The following INPP5F variants were observed in gnomAD, a reference collection of about 807,000 sequenced individuals.
INPP5F encodes the protein phosphatidylinositide 4-phosphatase SAC2.
Under a neutral mutation model 137.2 loss-of-function variants are expected in INPP5F, and 97 were observed. The observed-to-expected ratio is 0.71, with a 90% CI of 0.60 to 0.84. The LOEUF (loss-of-function observed/expected upper bound fraction) is 0.84. Ranked by LOEUF, INPP5F falls within the 40% of genes least tolerant of loss-of-function variation. The pLI, the probability that INPP5F is intolerant of heterozygous loss-of-function variation, is 0.00. For synonymous variants in INPP5F, 504 were observed against 476.9 expected (o/e 1.06, Z -0.74); for missense variants, 1,271 against 1,371.9 (o/e 0.93, Z 1.16).
At chr10:119,753,946 A>C (rs1291878136) in intron 2 of INPP5F, among the ~76,000 whole-genome samples, 2 of 152,172 alleles carry the variant, frequency 1.3e-5, no homozygotes, top group African/African-American at 4.8e-5. Context: ...GTCTCTGACA[A>C]ACTGCCTCTC....
At chr10:119,732,500 C>CTTTTT (rs59388357) in intron 1 of INPP5F, among the ~76,000 whole-genome samples, 17 of 115,566 alleles carry the variant, frequency 1.5e-4, no homozygotes, top group East Asian at 7.9e-4. Flanking sequence ...TTTCTTTTTT[C>CTTTTT]TTTTTTTTTT....
chr10:119,819,737 G>A (rs1202668801), intron 15 of INPP5F: 11 of 400,550 alleles, frequency 2.7e-5, no homozygotes, highest in African/African-American at 6.1e-5. Context: ...ATTATTGTAC[G>A]TGCAAATTGA....
Position 119,796,828 on chromosome 10 carries a change from C to A in INPP5F, c.783C>A (p.Thr261=), listed in dbSNP as rs1458453974. The change falls in exon 7 of 20, where the codon ACC becomes ACA. Residue 261 remains threonine (T), a synonymous_variant. Transcript: ENST00000650623. Reference sequence around the variant, plus strand: ...ATGATGAGAAAAGCAGCCCAGAGACCCCCCCTCAGGAGTCCACCTGTGTAG... The same window carrying A: ...ATGATGAGAAAAGCAGCCCAGAGACACCCCCTCAGGAGTCCACCTGTGTAG... ...SSDDEKSSPE[T]PPQESTCVDD... 1 of 1,613,240 alleles carries A rather than the reference C, an allele frequency of 6.2e-7. No homozygotes were observed. Among genetic ancestry groups the A allele is most frequent in the African/African-American group, 1.3e-5 (1 of 74,950 alleles).
chr10:119,791,313 ATTC>A (rs1302482528), intron 3 of INPP5F, among the ~76,000 whole-genome samples: 24 of 152,144 alleles, frequency 1.6e-4, no homozygotes, highest in Admixed American at 5.2e-4. Flanking sequence ...CCTGCCCTGT[ATTC>A]TTTGTGTTTT....
Position 119,748,683 on chromosome 10 carries a change from C to T in INPP5F, c.98-2393C>T, listed in dbSNP as rs562617787. The stretch of plus-strand genomic sequence containing the variant: ...GGACATCTGTGAGTCTGGCTGAGTC[C>T]GGGATTTTTAATGGGCTCAGAATGG... On this transcript the variant is annotated intron_variant, in intron 1 of 19. Coordinates refer to ENST00000650623, the MANE Select transcript of INPP5F (RefSeq NM_014937.4). This position sits in a 1 kb window ranked among gnomAD's most constrained non-coding sequence, Gnocchi z 4.7. Among the ~76,000 whole-genome samples the T allele has an allele frequency of 7.2e-5, 11 of 152,218 alleles. No individual in the cohort carries two copies. Among genetic ancestry groups the T allele is most frequent in the East Asian group, 1.9e-4 (1 of 5,168 alleles).
At chr10:119,759,758 G>A (rs988623543) in intron 2 of INPP5F, among the ~76,000 whole-genome samples, 1 of 152,138 alleles carries the variant, frequency 6.6e-6, no homozygotes, top group Non-Finnish European at 1.5e-5. Context: ...TTGAGTCTTG[G>A]AAGCAGGCAG....
chr10:119,792,856 A>C (rs1850198147), intron 6 of INPP5F, among the ~76,000 whole-genome samples: 1 of 152,244 alleles, frequency 6.6e-6, no homozygotes, highest in South Asian at 2.1e-4. Context: ...TAAACAAAGC[A>C]GGCAAATAGG....
At chr10:119,804,640 C>A (rs1850703169) in intron 10 of INPP5F, among the ~76,000 whole-genome samples, 1 of 151,720 alleles carries the variant, frequency 6.6e-6, no homozygotes, top group African/African-American at 2.4e-5. Context: ...TTAAGAGTAT[C>A]TTGCTGGCTC....
chr10:119,791,724 T>C, intron 4 of INPP5F, 79 bp downstream of exon 4: 3 of 1,420,622 alleles, frequency 2.1e-6, no homozygotes, highest in Non-Finnish European at 1.9e-6. Context: ...ACTCAGAAAA[T>C]TTATTTTTAA....
intron 1 of INPP5F, among the ~76,000 whole-genome samples, chr10:119,739,144 T>C (rs1848302434): frequency 6.6e-6 from 1 of 152,166 alleles, no homozygotes; most frequent in African/African-American, 2.4e-5. Context: ...ATCAAGCTGC[T>C]GCACTTCAGT....
intron 2 of INPP5F, among the ~76,000 whole-genome samples, chr10:119,754,564 T>G (rs549997178): frequency 3.6e-4 from 55 of 152,310 alleles, no homozygotes; most frequent in Non-Finnish European, 5.4e-4. Flanking sequence ...GGAAATTCTC[T>G]TAATTTTTCA....
At chr10:119,757,055 G>A (rs528578254) in intron 2 of INPP5F, among the ~76,000 whole-genome samples, 1 of 146,072 alleles carries the variant, frequency 6.8e-6, no homozygotes, top group Non-Finnish European at 1.5e-5. Context: ...TTGACCAGTT[G>A]AGATTTCTTT....
intron 9 of INPP5F, among the ~76,000 whole-genome samples, chr10:119,800,911 C>G (rs1372359836): frequency 7.2e-6 from 1 of 139,472 alleles, no homozygotes; most frequent in Admixed American, 7.7e-5. Context: ...GATCATACCA[C>G]TGTGCTCCAG....
chr10:119,740,247 C>T (rs566735802), intron 1 of INPP5F, among the ~76,000 whole-genome samples: 1 of 152,262 alleles, frequency 6.6e-6, no homozygotes, highest in South Asian at 2.1e-4. Flanking sequence ...GATTCTCCCT[C>T]TCTCCTGTGT....
intron 12 of INPP5F, among the ~76,000 whole-genome samples, chr10:119,807,043 G>C (rs1850821255): frequency 6.6e-6 from 1 of 152,076 alleles, no homozygotes; most frequent in African/African-American, 2.4e-5. Flanking sequence ...GGCTGAGGTG[G>C]GTGGATCACC....
intron 6 of INPP5F, among the ~76,000 whole-genome samples, chr10:119,792,973 AGTG>A (rs1850201215): frequency 1.3e-5 from 2 of 152,108 alleles, no homozygotes; most frequent in South Asian, 4.1e-4. Context: ...CACATAATCT[AGTG>A]GTGTCTTCGC....
intron 1 of INPP5F, among the ~76,000 whole-genome samples, chr10:119,749,683 C>T (rs1848636877): frequency 6.6e-6 from 1 of 152,188 alleles, no homozygotes; most frequent in Admixed American, 6.5e-5. Flanking sequence ...TTTGTTTCCT[C>T]ATCTGTAAAG....
chr10:119,753,741 T>G (rs1255818098), intron 2 of INPP5F, among the ~76,000 whole-genome samples: 1 of 152,176 alleles, frequency 6.6e-6, no homozygotes, highest in Non-Finnish European at 1.5e-5. Flanking sequence ...GTACTGTGAG[T>G]CCCGAATGAG....
rs150662009 is a variant in INPP5F at position 119,751,310 on chromosome 10, G to A, written c.178+154G>A. On this transcript the variant is annotated intron_variant, in intron 2 of 19. Coordinates refer to ENST00000650623, the MANE Select transcript of INPP5F (RefSeq NM_014937.4). ...GTGGGTGTATAATGAGCGAAGACCT[G>A]TTTCTACTCTTATGGAGCTTACAGT... is the stretch of plus-strand genomic sequence containing the variant. Among the ~76,000 whole-genome samples the A allele has an allele frequency of 3.3e-5, 5 of 152,280 alleles. No homozygotes were observed. The East Asian group carries it at 9.6e-4, about 29-fold the overall frequency.
Sources: allele counts gnomAD v4.1 joint callset (sites outside exome capture counted in the v4.1 genomes callset), GRCh38; gene constraint gnomAD v4.1.1; non-coding constraint Gnocchi (gnomAD v3.1); transcripts MANE v1.5; gene names NCBI Gene and HGNC (gene_info 2026-07-23, HGNC 2026-07-21).